The following PHF20 variants were observed in gnomAD, a reference collection of about 807,000 sequenced individuals.
PHF20 encodes glioma-expressed antigen 2.
PHF20 carries 23 observed loss-of-function variants against 113.5 expected under a neutral mutation model. The observed-to-expected ratio is 0.20, with a 90% CI of 0.15 to 0.29. PHF20 has a LOEUF of 0.29. PHF20 is among the 10% of genes least tolerant of loss of function. The pLI, the probability that PHF20 is intolerant of heterozygous loss-of-function variation, is 1.00. For synonymous variants in PHF20, 434 were observed against 457.3 expected (o/e 0.95, Z 0.65); for missense variants, 943 against 1,219.6 (o/e 0.77, Z 3.38).
intron 15 of PHF20, among the ~76,000 whole-genome samples, chr20:35,932,490 G>C (rs1356937814): frequency 1.4e-5 from 2 of 147,454 alleles, no homozygotes; most frequent in African/African-American, 2.6e-5. Context: ...GAGTGCAGTG[G>C]TGTGATCTCG....
At chr20:35,866,521 G>C (rs1297378086) in intron 6 of PHF20, among the ~76,000 whole-genome samples, 1 of 152,230 alleles carries the variant, frequency 6.6e-6, no homozygotes, top group Non-Finnish European at 1.5e-5. Context: ...GGATGAGTGA[G>C]AGGCAGGCCC....
chr20:35,782,838 A>G (rs953300390), intron 1 of PHF20, among the ~76,000 whole-genome samples: 4 of 152,216 alleles, frequency 2.6e-5, no homozygotes, highest in Non-Finnish European at 4.4e-5. Context: ...GACATCAGTC[A>G]TTGGAAATAT....
rs751352334 is a variant in PHF20 at position 35,806,791 on chromosome 20, CTTTTTTTTTTTTT to C, written c.83+5196_83+5208del. 8.0e-5 allele frequency among the ~76,000 whole-genome samples: 9 copies of C among 113,018 alleles called. No homozygotes were observed. The South Asian group carries it at 2.3e-3, about 29-fold the overall frequency. The allele number at this position is 113,018 out of a possible 152,430, so 74.1% of individuals were successfully genotyped here. A position where few individuals can be genotyped will look rare whatever the true frequency, so the allele number is the denominator to read the frequency against. ...TTTGTTGTATTCTTAGACCTTTACTCTTTTTTTTTTTTTTTTTTTTTTGAGACGGAATCTTGCT... is the reference window on the plus strand; with the variant it reads ...TTTGTTGTATTCTTAGACCTTTACTCTTTTTTTTTGAGACGGAATCTTGCT... On this transcript the variant is annotated intron_variant, in intron 2 of 17. Transcript: ENST00000374012.
At chr20:35,834,400 C>T (rs144571532) in intron 2 of PHF20, among the ~76,000 whole-genome samples, 52 of 151,910 alleles carry the variant, frequency 3.4e-4, no homozygotes, top group African/African-American at 1.2e-3. Flanking sequence ...TATAGGCATG[C>T]GCCAGCACAC....
At chr20:35,854,802 G>A (rs2042798426) in intron 4 of PHF20, among the ~76,000 whole-genome samples, 1 of 152,148 alleles carries the variant, frequency 6.6e-6, no homozygotes, top group South Asian at 2.1e-4. Flanking sequence ...AAATTGGTTG[G>A]AGGTCAGTAG....
intron 4 of PHF20, among the ~76,000 whole-genome samples, chr20:35,856,748 T>A (rs1474699864): frequency 6.6e-6 from 1 of 152,206 alleles, no homozygotes; most frequent in Non-Finnish European, 1.5e-5. Flanking sequence ...AGCCAGGCAC[T>A]TAAAGATCAG....
chr20:35,793,295 CTTTT>C (rs1304568851), intron 1 of PHF20, among the ~76,000 whole-genome samples: 1 of 150,206 alleles, frequency 6.7e-6, no homozygotes, highest in Non-Finnish European at 1.5e-5. Flanking sequence ...AGAGTCCTTT[CTTTT>C]TCTTTTTTTT....
intron 4 of PHF20, chr20:35,849,315 G>T: frequency 5.1e-6 from 2 of 393,050 alleles, no homozygotes; most frequent in Non-Finnish European, 5.1e-6. Flanking sequence ...GTGTCTTGGT[G>T]GAGGCAATGA....
At chr20:35,876,147 A>G (rs2054517178) in intron 9 of PHF20, among the ~76,000 whole-genome samples, 1 of 152,174 alleles carries the variant, frequency 6.6e-6, no homozygotes, top group Admixed American at 6.6e-5. Flanking sequence ...ATTTTCCAAG[A>G]GGGTTAATAG....
intron 6 of PHF20, among the ~76,000 whole-genome samples, chr20:35,866,917 C>T (rs2054329562): frequency 1.3e-5 from 2 of 152,050 alleles, no homozygotes; most frequent in African/African-American, 2.4e-5. Context: ...TAATCCTTGC[C>T]CAAGGCATTT....
intron 9 of PHF20, 122 bp from the exon 10 acceptor site, chr20:35,899,248 C>A: frequency 1.3e-6 from 1 of 741,264 alleles, no homozygotes; most frequent in Non-Finnish European, 2.2e-6. Context: ...TAATGGCAGT[C>A]TGATGTCTCA....
rs536114941 is a variant in PHF20, at chr20:35,862,888, T to C, written c.421-125T>C. The C allele has an allele frequency of 1.1e-4, 99 of 872,520 alleles. No individual in the cohort carries two copies. In the South Asian group the frequency reaches 1.7e-3, roughly 15 times the overall value. The allele number at this position is 872,520 out of a possible 1,614,324, so 54.0% of individuals were successfully genotyped here. A position where few individuals can be genotyped will look rare whatever the true frequency, so the allele number is the denominator to read the frequency against. Reference sequence around the variant, plus strand: ...GGTGGCTGTTGTCAGTGGTGCTTTGTATATGTGATCTGGCGTATGTCTTGT... The same window carrying C: ...GGTGGCTGTTGTCAGTGGTGCTTTGCATATGTGATCTGGCGTATGTCTTGT... On this transcript the variant is annotated intron_variant, in intron 5 of 17. Transcript: ENST00000374012.
Position 35,863,178 on chromosome 20 carries a change from A to G in PHF20, c.586A>G (p.Lys196Glu), listed in dbSNP as rs2054248499. 1 of 1,613,608 alleles carries G rather than the reference A, an allele frequency of 6.2e-7. No homozygotes were observed. Among genetic ancestry groups the G allele is most frequent in the Non-Finnish European group, 8.5e-7 (1 of 1,179,906 alleles). ...AGAAAAGCGACCCAAGCAGCCTGATAAAGAAGGAAAGTTAATCTGTTCTGA... is the reference window on the plus strand; with the variant it reads ...AGAAAAGCGACCCAAGCAGCCTGATGAAGAAGGAAAGTTAATCTGTTCTGA... The part of the protein sequence containing the change: ...KTEKRPKQPD[K>E]EGKLICSEKG... Residue 196 changes from lysine to glutamate, a missense_variant, in exon 6 of 18, where the codon AAA becomes GAA. Lys to Glu is a moderately conservative substitution (Grantham distance 56). Around this residue, in one of 3 missense-constraint regions of PHF20, gnomAD observed 592 missense variants for 787.2 expected, o/e 0.75. Transcript: ENST00000374012.
chr20:35,816,094 C>T (rs894582108), intron 2 of PHF20, among the ~76,000 whole-genome samples: 3 of 151,638 alleles, frequency 2.0e-5, no homozygotes, highest in African/African-American at 4.8e-5. Flanking sequence ...GTAGCTGGAA[C>T]TACAGGCACG....
At chr20:35,813,406 T>C (rs2042012015) in intron 2 of PHF20, among the ~76,000 whole-genome samples, 1 of 152,226 alleles carries the variant, frequency 6.6e-6, no homozygotes, top group South Asian at 2.1e-4. Context: ...TTAAACTAGC[T>C]CCTTTGTTCT....
At chr20:35,822,000 G>A (rs2042176814) in intron 2 of PHF20, among the ~76,000 whole-genome samples, 1 of 152,124 alleles carries the variant, frequency 6.6e-6, no homozygotes, top group Non-Finnish European at 1.5e-5. Context: ...TTTGGTTTTG[G>A]GCATGTTAAA....
chr20:35,806,828 C>T (rs1249570933), intron 2 of PHF20, among the ~76,000 whole-genome samples: 1 of 124,226 alleles, frequency 8.0e-6, no homozygotes, highest in Non-Finnish European at 1.6e-5. Context: ...CGGAATCTTG[C>T]TCAGTCGCCC....
intron 9 of PHF20, 79 bp downstream of exon 9, chr20:35,871,908 A>T: frequency 9.8e-7 from 1 of 1,017,112 alleles, no homozygotes; most frequent in South Asian, 1.9e-5. Flanking sequence ...AAAAAAAATG[A>T]CTTTTCTGTT....
chr20:35,853,093 G>A lies in PHF20; in HGVS notation c.341-5209G>A, dbSNP rs141958789. ...AAAAAGTAGCTGGGCTTGGTGGCGCGCACCTGTAATCTCAGCTACTCGGGA... is the reference window on the plus strand; with the variant it reads ...AAAAAGTAGCTGGGCTTGGTGGCGCACACCTGTAATCTCAGCTACTCGGGA... On this transcript the variant is annotated intron_variant, in intron 4 of 17. Coordinates refer to ENST00000374012, the MANE Select transcript of PHF20 (RefSeq NM_016436.5). 5.4e-3 allele frequency among the ~76,000 whole-genome samples: 815 copies of A among 150,330 alleles called. 9 individuals are homozygous for A. Among genetic ancestry groups the A allele is most frequent in the African/African-American group, 0.019 (765 of 41,054 alleles).
Sources: gnomAD v4.1 joint callset for allele counts (sites outside exome capture counted in the v4.1 genomes callset) on GRCh38, gnomAD v4.1.1 for gene constraint, gnomAD v4.1.1 regional missense constraint, MANE v1.5 for transcripts, NCBI Gene and HGNC (gene_info 2026-07-23, HGNC 2026-07-21) for gene names.